NAALADL2: variants seen among roughly 807,000 people sequenced by gnomAD.
NAALADL2 encodes the protein N-acetylated alpha-linked acidic dipeptidase like 2.
Under a neutral mutation model 87.2 loss-of-function variants are expected in NAALADL2, and 76 were observed. That is an observed-to-expected ratio of 0.87 (90% CI 0.72 to 1.05). The LOEUF (loss-of-function observed/expected upper bound fraction) is 1.05, where lower values mean the gene tolerates loss of function less well. NAALADL2 is among the 50% of genes least tolerant of loss of function. The probability of loss-of-function intolerance (pLI) is 0.00; values close to 1 mark genes in which losing one functional copy is unlikely to be tolerated. For missense variants in NAALADL2, 1,089 were observed against 945.8 expected (o/e 1.15, Z -1.99); for synonymous variants, 354 against 331.0 (o/e 1.07, Z -0.75).
At chr3:175,366,927 C>T (rs1765670656) in intron 5 of NAALADL2, among the ~76,000 whole-genome samples, 1 of 151,578 alleles carries the variant, frequency 6.6e-6, no homozygotes, top group African/African-American at 2.4e-5. Flanking sequence ...GACTTGAAGT[C>T]CTTGCCCATG....
intron 11 of NAALADL2, among the ~76,000 whole-genome samples, chr3:175,670,856 A>C (rs1733909903): frequency 6.6e-6 from 1 of 151,462 alleles, no homozygotes; most frequent in Non-Finnish European, 1.5e-5. Flanking sequence ...TCTCATTTTC[A>C]AAAAATTCAA....
At chr3:175,781,701 G>A (rs942387278) in intron 13 of NAALADL2, among the ~76,000 whole-genome samples, 16 of 150,344 alleles carry the variant, frequency 1.1e-4, no homozygotes, top group African/African-American at 2.9e-4. Context: ...TTAACATAAC[G>A]CTTTTATTTT....
chr3:174,984,511 A>C (rs530008116), intron 1 of NAALADL2, among the ~76,000 whole-genome samples: 1 of 152,260 alleles, frequency 6.6e-6, no homozygotes, highest in South Asian at 2.1e-4. Context: ...TCTTATTGTC[A>C]GTGCAAAACC....
chr3:175,299,280 A>G (rs1482106364), intron 4 of NAALADL2, among the ~76,000 whole-genome samples: 1 of 152,104 alleles, frequency 6.6e-6, no homozygotes, highest in Non-Finnish European at 1.5e-5. Context: ...TATGAAATAT[A>G]AAGTAGTTTT....
chr3:175,153,481 G>A (rs190423961), intron 2 of NAALADL2, among the ~76,000 whole-genome samples: 8 of 152,280 alleles, frequency 5.3e-5, no homozygotes, highest in Admixed American at 3.9e-4. Context: ...CAGTTTTTTA[G>A]TTCACATATG....
chr3:175,251,062 A>G (rs1472104349), intron 3 of NAALADL2, among the ~76,000 whole-genome samples: 2 of 152,206 alleles, frequency 1.3e-5, no homozygotes, highest in East Asian at 1.9e-4. Context: ...CGAGGTTTTT[A>G]TTTTAAAATG....
intron 13 of NAALADL2, among the ~76,000 whole-genome samples, chr3:175,782,311 CAG>C: frequency 3.0e-5 from 1 of 33,294 alleles, no homozygotes; most frequent in African/African-American, 1.2e-4. Flanking sequence ...AACTAGTTTA[CAG>C]TCCCACCAAC....
chr3:174,514,507 TTTTA>T (rs1180412119), intron 1 of NAALADL2, among the ~76,000 whole-genome samples: 1 of 152,202 alleles, frequency 6.6e-6, no homozygotes, highest in Non-Finnish European at 1.5e-5. Context: ...TTATGTATGT[TTTTA>T]TTTGTTTCAC....
chr3:174,888,701 T>C (rs565012845), intron 1 of NAALADL2, among the ~76,000 whole-genome samples: 1 of 152,358 alleles, frequency 6.6e-6, no homozygotes, highest in South Asian at 2.1e-4. Flanking sequence ...TCTGTGCTTA[T>C]GTTCTATTGT....
At chr3:175,673,375 A>C (rs901710909) in intron 11 of NAALADL2, among the ~76,000 whole-genome samples, 1 of 152,136 alleles carries the variant, frequency 6.6e-6, no homozygotes, top group African/African-American at 2.4e-5. Flanking sequence ...TCATGTAAAA[A>C]CAATCTTTCT....
intron 5 of NAALADL2, among the ~76,000 whole-genome samples, chr3:175,406,416 T>C (rs754947299): frequency 6.6e-6 from 1 of 152,194 alleles, no homozygotes; most frequent in Non-Finnish European, 1.5e-5. Flanking sequence ...TGGGGGAAAC[T>C]GATAATGTGA....
intron 9 of NAALADL2, among the ~76,000 whole-genome samples, chr3:175,509,850 T>A (rs1055426804): frequency 1.3e-5 from 2 of 150,390 alleles, no homozygotes; most frequent in African/African-American, 5.0e-5. Context: ...TTTTTCTTAT[T>A]TTATTTTATT....
At position 175,804,385 on chromosome 3, in the gene NAALADL2, TCTCTC is replaced by T. The variant is rs1754519792; in HGVS notation, c.*1183_*1187del. ...AGTGTCTCGTCTACACTTCAGTTCTTCTCTCATGTGGAAAACTAAGCTTTTTATAT... is the reference window on the plus strand; with the variant it reads ...AGTGTCTCGTCTACACTTCAGTTCTTATGTGGAAAACTAAGCTTTTTATAT... On this transcript the variant is annotated 3_prime_UTR_variant, in exon 14 of 14. Coordinates refer to ENST00000454872, the MANE Select transcript of NAALADL2 (RefSeq NM_207015.3). The T allele has an allele frequency of 6.6e-6, 1 of 151,856 alleles. No individual in the cohort carries two copies. Among genetic ancestry groups the T allele is most frequent in the Non-Finnish European group, 1.5e-5 (1 of 67,844 alleles). The allele number at this position is 151,856 out of a possible 1,614,324, so 9.4% of individuals were successfully genotyped here.
rs60128365 is a variant in NAALADL2 at position 175,490,806 on chromosome 3, C to T, written c.1653+19048C>T. On this transcript the variant is annotated intron_variant, in intron 9 of 13. Coordinates refer to ENST00000454872, the MANE Select transcript of NAALADL2 (RefSeq NM_207015.3). ...AGTTACAACGAAAGAAAATGGAGAT[C>T]CCCTCTTCCCCACCAAACAGGGAGG... is the stretch of plus-strand genomic sequence containing the variant. Among the ~76,000 whole-genome samples the T allele has an allele frequency of 3.0e-3, 459 of 152,070 alleles. 6 individuals are homozygous for T. Among genetic ancestry groups the T allele is most frequent in the East Asian group, 0.013 (68 of 5,164 alleles).
At chr3:175,515,784 A>C (rs762089227) in intron 9 of NAALADL2, among the ~76,000 whole-genome samples, 3 of 152,138 alleles carry the variant, frequency 2.0e-5, no homozygotes, top group Non-Finnish European at 2.9e-5. Context: ...ATGATTTCCC[A>C]GTTGTTTCTC....
At chr3:175,648,213 T>G (rs58911651) in intron 11 of NAALADL2, among the ~76,000 whole-genome samples, 268 of 152,312 alleles carry the variant, frequency 1.8e-3, no homozygotes, top group African/African-American at 6.3e-3. Flanking sequence ...CTTGTGTTAT[T>G]GAGAACACAT....
At chr3:175,206,963 C>T (rs1285756191) in intron 2 of NAALADL2, among the ~76,000 whole-genome samples, 1 of 151,974 alleles carries the variant, frequency 6.6e-6, no homozygotes, top group Admixed American at 6.6e-5. Context: ...GCAGTGCATG[C>T]GAATATGTCA....
intron 3 of NAALADL2, among the ~76,000 whole-genome samples, chr3:174,788,809 A>G (rs961728285): frequency 1.3e-5 from 2 of 152,172 alleles, no homozygotes; most frequent in African/African-American, 4.8e-5. Flanking sequence ...AAGCAGGACA[A>G]AGGACCCAAC....
chr3:175,538,813 T>C (rs77974648), intron 9 of NAALADL2, among the ~76,000 whole-genome samples: 4,857 of 152,286 alleles, frequency 0.032, 148 homozygotes, highest in African/African-American at 0.078. Context: ...CTACCAGGGC[T>C]AATGTGGTAA....
Sources: gnomAD v4.1 joint callset for allele counts (sites outside exome capture counted in the v4.1 genomes callset) on GRCh38, gnomAD v4.1.1 for gene constraint, MANE v1.5 for transcripts, NCBI Gene and HGNC (gene_info 2026-07-23, HGNC 2026-07-21) for gene names.